NUP133: variants seen among roughly 807,000 people sequenced by gnomAD.
NUP133 encodes the protein nuclear pore complex protein Nup133.
A neutral mutation model predicts 146.2 loss-of-function variants in NUP133; 66 were observed. That is an observed-to-expected ratio of 0.45 (90% CI 0.37 to 0.55). The LOEUF (loss-of-function observed/expected upper bound fraction) is 0.55. Among genes scored for constraint, NUP133 ranks in the 20% least tolerant of loss-of-function variants. The pLI is 0.00. For synonymous variants in NUP133, 521 were observed against 498.8 expected (o/e 1.04, Z -0.59); for missense variants, 1,277 against 1,374.8 (o/e 0.93, Z 1.12).
chr1:229,476,480 G>A (rs1661077582), intron 13 of NUP133, among the ~76,000 whole-genome samples: 1 of 152,180 alleles, frequency 6.6e-6, no homozygotes, highest in African/African-American at 2.4e-5. Flanking sequence ...TGAGGTGGAA[G>A]TAAGAGTAAG....
chr1:229,459,506 T>C (rs559087579), intron 20 of NUP133, among the ~76,000 whole-genome samples: 1 of 152,214 alleles, frequency 6.6e-6, no homozygotes, highest in African/African-American at 2.4e-5. Context: ...TATATGTATA[T>C]GTGTATGTGT....
At chr1:229,501,628 G>T (rs370265565) in intron 3 of NUP133, among the ~76,000 whole-genome samples, 1 of 152,196 alleles carries the variant, frequency 6.6e-6, no homozygotes, top group Non-Finnish European at 1.5e-5. Flanking sequence ...GCATCATTCA[G>T]TAGGTTCAAC....
At chr1:229,473,793 A>T (rs1661010543) in intron 14 of NUP133, among the ~76,000 whole-genome samples, 1 of 152,126 alleles carries the variant, frequency 6.6e-6, no homozygotes, top group Non-Finnish European at 1.5e-5. Context: ...GTTCAGCACC[A>T]TGCGCCTGTA....
chr1:229,474,348 TA>T (rs1661025233), intron 14 of NUP133, among the ~76,000 whole-genome samples: 1 of 152,206 alleles, frequency 6.6e-6, no homozygotes, highest in Non-Finnish European at 1.5e-5. Flanking sequence ...CTTGGCTAAT[TA>T]AACGACCATA....
At chr1:229,449,077 G>A in intron 24 of NUP133, 49 bp downstream of exon 24, 1 of 1,391,092 alleles carries the variant, frequency 7.2e-7, no homozygotes, top group Non-Finnish European at 1.0e-6. Context: ...GAGAGCAGAG[G>A]AAAAGCAGTT....
Position 229,441,549 on chromosome 1 carries a change from G to A in NUP133, c.*355C>T, listed in dbSNP as rs1458242663. 6 of 472,742 alleles carry A rather than the reference G, an allele frequency of 1.3e-5. No individual in the cohort carries two copies. The highest frequency in any genetic ancestry group is 7.3e-5 in the Admixed American group (3 of 41,206). The allele number at this position is 472,742 out of a possible 1,614,324, so 29.3% of individuals were successfully genotyped here. A position where few individuals can be genotyped will look rare whatever the true frequency, so the allele number is the denominator to read the frequency against. On this transcript the variant is annotated 3_prime_UTR_variant, in exon 26 of 26. Transcript: ENST00000261396. ...ACAGCAATTTTAGAGACAAGCTAGT[G>A]CAATCTAGTAATTTTCATAGTCGCA...
intron 14 of NUP133, 63 bp from the exon 15 acceptor site, chr1:229,470,867 C>A: frequency 6.9e-7 from 1 of 1,454,592 alleles, no homozygotes; most frequent in Non-Finnish European, 9.6e-7. Context: ...AATACCATAG[C>A]TGTATTTTCC....
In NUP133 at chr1:229,444,936, G is replaced by C. The variant is rs201548931; in HGVS notation, c.3312C>G (p.Ile1104Met). ...TACCATCTTTTAAAAGTTTCTGTAA[G>C]ATCTTCACAAATATACTGTCTTTAG... ...EVSKDSIFVK[I>M]LQKLLKDGIQ... Residue 1104 changes from isoleucine to methionine, a missense_variant, in exon 25 of 26, where the codon ATC (isoleucine) becomes ATG (methionine). Ile to Met is a conservative substitution (Grantham distance 10). This residue lies in a region of NUP133 where 952 missense variants were observed against 1,047.0 expected (regional missense o/e 0.91). Transcript: ENST00000261396. 3 of 1,609,634 alleles carry C rather than the reference G, an allele frequency of 1.9e-6. No homozygotes were observed. Among genetic ancestry groups the C allele is most frequent in the Non-Finnish European group, 8.5e-7 (1 of 1,176,676 alleles).
intron 8 of NUP133, 105 bp downstream of exon 8, chr1:229,495,390 C>A: frequency 1.3e-6 from 1 of 769,420 alleles, no homozygotes; most frequent in Non-Finnish European, 2.2e-6. Flanking sequence ...GACCCTGTCT[C>A]CAAAGAAAGA....
At chr1:229,451,714 G>A (rs1218909693) in intron 22 of NUP133, among the ~76,000 whole-genome samples, 1 of 152,094 alleles carries the variant, frequency 6.6e-6, no homozygotes, top group Non-Finnish European at 1.5e-5. Context: ...ATCTGCTTGT[G>A]TTCATTGTCT....
At chr1:229,487,838 AT>A (rs10565327) in intron 9 of NUP133, among the ~76,000 whole-genome samples, 4,750 of 118,138 alleles carry the variant, frequency 0.04, 141 homozygotes, top group African/African-American at 0.14. Context: ...TGCTTTTTTA[AT>A]TTTTTTTTTT....
chr1:229,499,908 C>A, intron 4 of NUP133, 90 bp from the exon 5 acceptor site: 3 of 1,424,650 alleles, frequency 2.1e-6, no homozygotes, highest in Non-Finnish European at 1.9e-6. Context: ...AGAAACAGGA[C>A]AATTTACTAT....
At position 229,506,093 on chromosome 1, in the gene NUP133, G is replaced by A. The variant is rs267598405; in HGVS notation, c.248C>T (p.Thr83Met). The A allele has an allele frequency of 1.2e-5, 20 of 1,613,298 alleles. No homozygotes were observed. The African/African-American group carries it at 1.5e-4, about 12-fold the overall frequency. ...TTTAACAGGAAGAGAAGATCCAAAC[G>A]TTTTCACATCATAGTTCACAGACTC... ...ITESVNYDVK[T>M]FGSSLPVKVM... is the part of the protein sequence containing the mutation. The change falls in exon 2 of 26, where the codon ACG becomes ATG. Residue 83 changes from threonine (T) to methionine (M), a missense_variant. Transcript: ENST00000261396.
chr1:229,491,349 T>A (rs533528161), intron 8 of NUP133, among the ~76,000 whole-genome samples: 234 of 152,304 alleles, frequency 1.5e-3, no homozygotes, highest in African/African-American at 5.4e-3. Context: ...AAAACATTTT[T>A]AAAAAAGTTT....
chr1:229,484,910 GAAAA>G (rs919477259), intron 11 of NUP133, among the ~76,000 whole-genome samples: 5 of 151,446 alleles, frequency 3.3e-5, no homozygotes, highest in African/African-American at 1.2e-4. Flanking sequence ...TTTGTGAAAA[GAAAA>G]AAAAGTTAAA....
chr1:229,470,706 G>A lies in NUP133; in HGVS notation c.1950C>T (p.Ala650=). 1 of 1,614,198 alleles carries A rather than the reference G, an allele frequency of 6.2e-7. No individual in the cohort carries two copies. The highest frequency in any genetic ancestry group is 8.5e-7 in the Non-Finnish European group (1 of 1,180,034). Residue 650 remains alanine, a synonymous_variant, in exon 15 of 26, where the codon GCC becomes GCT. Coordinates refer to ENST00000261396, the MANE Select transcript of NUP133 (RefSeq NM_018230.3). ...GGGAGTGGTGGTTCTTGAGAACAAT[G>A]GCGGCTGACAGCTTTTCGGCATGCT... The part of the protein sequence containing the change: ...LCEHAEKLSA[A]IVLKNHHSRL...
chr1:229,446,764 A>T (rs992183222), intron 24 of NUP133, among the ~76,000 whole-genome samples: 1 of 150,144 alleles, frequency 6.7e-6, no homozygotes, highest in African/African-American at 2.5e-5. Flanking sequence ...ATAAAAAATA[A>T]AAATAAATAA....
chr1:229,445,265 A>G (rs1660279361), intron 24 of NUP133, among the ~76,000 whole-genome samples: 1 of 152,220 alleles, frequency 6.6e-6, no homozygotes, highest in Non-Finnish European at 1.5e-5. Flanking sequence ...TGTTATACTC[A>G]AGGTAGCTAC....
chr1:229,459,909 C>G (rs1459437980), intron 20 of NUP133, among the ~76,000 whole-genome samples: 1 of 152,102 alleles, frequency 6.6e-6, no homozygotes, highest in East Asian at 1.9e-4. Flanking sequence ...TATGGTATTT[C>G]TATTTTTAAC....
Sources: gnomAD v4.1 joint callset for allele counts (sites outside exome capture counted in the v4.1 genomes callset) on GRCh38, gnomAD v4.1.1 for gene constraint, gnomAD v4.1.1 regional missense constraint, MANE v1.5 for transcripts, NCBI Gene and HGNC (gene_info 2026-07-23, HGNC 2026-07-21) for gene names.